ANKS1B: variants seen among roughly 807,000 people sequenced by gnomAD.
ANKS1B encodes ankyrin repeat and sterile alpha motif domain containing 1B, also known as ankyrin repeat and sterile alpha motif domain-containing protein 1B.
Under a neutral mutation model 148.3 loss-of-function variants are expected in ANKS1B, and 36 were observed. That is an observed-to-expected ratio of 0.24 (90% CI 0.19 to 0.32). The LOEUF is 0.32. Ranked by LOEUF, ANKS1B falls within the 10% of genes least tolerant of loss-of-function variation. The probability of loss-of-function intolerance (pLI) is 1.00; values close to 1 mark genes in which losing one functional copy is unlikely to be tolerated. For synonymous variants in ANKS1B, 542 were observed against 560.8 expected (o/e 0.97, Z 0.47); for missense variants, 1,157 against 1,542.6 (o/e 0.75, Z 4.19).
intron 10 of ANKS1B, among the ~76,000 whole-genome samples, chr12:99,454,552 G>T (rs562829552): frequency 6.6e-6 from 1 of 152,366 alleles, no homozygotes; most frequent in Non-Finnish European, 1.5e-5. Context: ...TGAACAGATG[G>T]TTGGGAGAGT....
At chr12:99,211,164 C>T (rs1437849742) in intron 14 of ANKS1B, among the ~76,000 whole-genome samples, 1 of 152,104 alleles carries the variant, frequency 6.6e-6, no homozygotes, top group African/African-American at 2.4e-5. Flanking sequence ...GGGAGCATGA[C>T]CAAAAGGGGG....
chr12:99,217,840 T>G (rs1450901253), intron 14 of ANKS1B, among the ~76,000 whole-genome samples: 2 of 152,214 alleles, frequency 1.3e-5, no homozygotes, highest in African/African-American at 2.4e-5. Context: ...GAGGTTGTAT[T>G]ATTCCCCTTA....
At chr12:99,377,352 C>A (rs2093433993) in intron 12 of ANKS1B, among the ~76,000 whole-genome samples, 1 of 152,114 alleles carries the variant, frequency 6.6e-6, no homozygotes, top group Non-Finnish European at 1.5e-5. Flanking sequence ...GCATATCATT[C>A]TTGAACAAAA....
chr12:98,952,915 GTGGTGCGATCA>G (rs1286218166), intron 17 of ANKS1B, among the ~76,000 whole-genome samples: 1 of 152,070 alleles, frequency 6.6e-6, no homozygotes, highest in Non-Finnish European at 1.5e-5. Context: ...CTGGAGTGAA[GTGGTGCGATCA>G]TGGCTCACTA....
chr12:98,923,027 A>C (rs1233893557), intron 17 of ANKS1B, among the ~76,000 whole-genome samples: 1 of 152,010 alleles, frequency 6.6e-6, no homozygotes, highest in Non-Finnish European at 1.5e-5. Flanking sequence ...TTCAATCCTC[A>C]GTGTGGCAGT....
chr12:99,315,700 T>C (rs1224034288), intron 12 of ANKS1B, among the ~76,000 whole-genome samples: 1 of 152,188 alleles, frequency 6.6e-6, no homozygotes, highest in Non-Finnish European at 1.5e-5. Context: ...CTTTAAGTTC[T>C]AGGGTACATG....
chr12:99,894,319 G>GGGACGGAC lies in ANKS1B; in HGVS notation c.135-68931_135-68930insGTCCGTCC, dbSNP rs1346353184. 3.0e-5 allele frequency among the ~76,000 whole-genome samples: 3 copies of GGGACGGAC among 100,470 alleles called. No homozygotes were observed. The East Asian group carries it at 7.3e-4, about 24-fold the overall frequency. The allele number at this position is 100,470 out of a possible 152,430, so 65.9% of individuals were successfully genotyped here. On this transcript the variant is annotated intron_variant, in intron 1 of 26. Transcript: ENST00000683438. ...AGGGAGGGAGGGAGGGAGGGAGGGA[G>GGGACGGAC]GGAGGGAGGGAAAGAAAAGAAAAGA...
At chr12:99,450,670 G>C (rs2095717186) in intron 10 of ANKS1B, among the ~76,000 whole-genome samples, 1 of 152,066 alleles carries the variant, frequency 6.6e-6, no homozygotes, top group Non-Finnish European at 1.5e-5. Flanking sequence ...GTACTATCTT[G>C]CATTGTTCAT....
intron 18 of ANKS1B, among the ~76,000 whole-genome samples, chr12:98,830,820 C>T (rs145101026): frequency 1.3e-5 from 2 of 152,028 alleles, no homozygotes; most frequent in African/African-American, 4.8e-5. Flanking sequence ...CTTGCCACTG[C>T]CATTTTTGCC....
chr12:99,432,196 G>C (rs1317753434), intron 11 of ANKS1B, among the ~76,000 whole-genome samples: 1 of 152,136 alleles, frequency 6.6e-6, no homozygotes, highest in Non-Finnish European at 1.5e-5. Flanking sequence ...AGTTAAATAA[G>C]CCTCTTTTCT....
chr12:99,458,785 A>T (rs1035269090), intron 10 of ANKS1B, among the ~76,000 whole-genome samples: 2 of 152,060 alleles, frequency 1.3e-5, no homozygotes, highest in African/African-American at 2.4e-5. Context: ...TACCGAGAAA[A>T]AAAGGCCAGG....
At chr12:98,868,192 T>C (rs1302050668) in intron 17 of ANKS1B, among the ~76,000 whole-genome samples, 1 of 151,940 alleles carries the variant, frequency 6.6e-6, no homozygotes, top group Non-Finnish European at 1.5e-5. Flanking sequence ...CTCAAATAGA[T>C]AAAAACCCGT....
chr12:98,831,921 T>C (rs1175645041), intron 18 of ANKS1B, 108 bp downstream of exon 18: 2 of 1,037,178 alleles, frequency 1.9e-6, no homozygotes, highest in East Asian at 2.6e-5. Flanking sequence ...GGCTAAATTT[T>C]TTCTGTTTTC....
At chr12:99,296,958 C>T (rs939221959) in intron 12 of ANKS1B, among the ~76,000 whole-genome samples, 1 of 152,058 alleles carries the variant, frequency 6.6e-6, no homozygotes, top group Admixed American at 6.6e-5. Flanking sequence ...TTATGAATTG[C>T]GTTGGGCTAG....
chr12:99,374,987 A>G (rs543383565), intron 12 of ANKS1B, among the ~76,000 whole-genome samples: 2 of 152,184 alleles, frequency 1.3e-5, no homozygotes, highest in Non-Finnish European at 2.9e-5. Context: ...AATGACGGCT[A>G]CCTCCCAATG....
intron 12 of ANKS1B, among the ~76,000 whole-genome samples, chr12:99,344,619 T>C (rs2152346609): frequency 6.6e-6 from 1 of 152,200 alleles, no homozygotes; most frequent in Middle Eastern, 3.4e-3. Flanking sequence ...AAAAATAAAA[T>C]CTTGCCTACT....
At chr12:99,569,664 C>A (rs1277240060) in intron 9 of ANKS1B, among the ~76,000 whole-genome samples, 1 of 152,174 alleles carries the variant, frequency 6.6e-6, no homozygotes, top group Non-Finnish European at 1.5e-5. Flanking sequence ...TTGTCAGCCC[C>A]TACAGGGATC....
intron 17 of ANKS1B, among the ~76,000 whole-genome samples, chr12:98,943,975 A>C (rs2099841091): frequency 6.6e-6 from 1 of 152,170 alleles, no homozygotes; most frequent in African/African-American, 2.4e-5. Flanking sequence ...ATGAGTTCTC[A>C]GTCTATTAGT....
At chr12:98,867,263 C>G (rs2099629387) in intron 17 of ANKS1B, among the ~76,000 whole-genome samples, 1 of 152,178 alleles carries the variant, frequency 6.6e-6, no homozygotes, top group South Asian at 2.1e-4. Context: ...AATCACATCT[C>G]AAGGAAAGAC....
Sources: gnomAD v4.1 joint callset for allele counts (sites outside exome capture counted in the v4.1 genomes callset) on GRCh38, gnomAD v4.1.1 for gene constraint, MANE v1.5 for transcripts, NCBI Gene and HGNC (gene_info 2026-07-23, HGNC 2026-07-21) for gene names.